Variants in PPP2R2B observed in about 807,000 individuals in gnomAD.
PPP2R2B encodes the protein serine/threonine-protein phosphatase 2A 55 kDa regulatory subunit B beta isoform.
In PPP2R2B, 5 loss-of-function variants were observed where a neutral mutation model predicts 46.0. The ratio of observed to expected loss-of-function variants is 0.11; its 90% CI spans 0.06 to 0.23. PPP2R2B has a LOEUF of 0.23. PPP2R2B is among the 10% of genes least tolerant of loss of function. PPP2R2B has a pLI of 1.00. For missense variants in PPP2R2B, 367 were observed against 575.0 expected, an observed-to-expected ratio of 0.64 and a Z score of 3.70; for synonymous variants, 215 against 206.7, an observed-to-expected ratio of 1.04 and a Z score of -0.34.
intron 1 of PPP2R2B, among the ~76,000 whole-genome samples, chr5:146,890,561 G>A (rs1762463594): frequency 6.6e-6 from 1 of 152,176 alleles, no homozygotes; most frequent in Non-Finnish European, 1.5e-5. Flanking sequence ...GGCCATTACT[G>A]TACTAGTGTG....
intron 1 of PPP2R2B, among the ~76,000 whole-genome samples, chr5:146,896,917 A>G (rs2151432102): frequency 6.6e-6 from 1 of 152,260 alleles, no homozygotes; most frequent in Non-Finnish European, 1.5e-5. Context: ...TGGACCAGCT[A>G]AGAAATGCTG....
intron 5 of PPP2R2B, among the ~76,000 whole-genome samples, chr5:146,678,472 G>A (rs6866002): frequency 0.087 from 9,906 of 114,356 alleles, 649 homozygotes; most frequent in African/African-American, 0.19. Context: ...ATTCCCTTTG[G>A]AAACTGGCAC....
At chr5:146,858,200 C>G (rs73796005) in intron 2 of PPP2R2B, among the ~76,000 whole-genome samples, 13 of 152,214 alleles carry the variant, frequency 8.5e-5, no homozygotes, top group African/African-American at 3.1e-4. Flanking sequence ...AGTGGTGGAG[C>G]CAGGATACAA....
chr5:146,601,652 C>T (rs922390552), intron 7 of PPP2R2B, among the ~76,000 whole-genome samples: 1 of 152,184 alleles, frequency 6.6e-6, no homozygotes, highest in African/African-American at 2.4e-5. Flanking sequence ...TTCTCTGTGC[C>T]TTAGGTTTCC....
chr5:146,881,056 G>C (rs1225356643), upstream of PPP2R2B, among the ~76,000 whole-genome samples: 1 of 151,950 alleles, frequency 6.6e-6, no homozygotes, highest in African/African-American at 2.4e-5. Context: ...CTGTGGAGCT[G>C]GGGGGCGGGG....
At chr5:147,018,249 A>C (rs561627678) in intron 1 of PPP2R2B, among the ~76,000 whole-genome samples, 2 of 152,180 alleles carry the variant, frequency 1.3e-5, no homozygotes, top group Non-Finnish European at 2.9e-5. Context: ...ACCTAAATAA[A>C]AGTGTAGAAA....
In PPP2R2B at chr5:146,878,341, G is replaced by C. The variant is rs1267465371; in HGVS notation, c.-124-146C>G. On this transcript the variant is annotated intron_variant, in intron 1 of 9. Coordinates refer to ENST00000394411, the MANE Select transcript of PPP2R2B (RefSeq NM_181675.4). The surrounding 1 kb of genome is among the most constrained non-coding windows in gnomAD (Gnocchi z 4.5). Reference sequence around the variant, plus strand: ...AGCTCCAGTTCCCAGCGAGGATGCTGCGCCTGCCTCCGCTGCCTCCGGGTG... The same window carrying C: ...AGCTCCAGTTCCCAGCGAGGATGCTCCGCCTGCCTCCGCTGCCTCCGGGTG... 7.0e-7 allele frequency: 1 copy of C among 1,438,178 alleles called. No homozygotes were observed. The highest frequency in any genetic ancestry group is 9.1e-7 in the Non-Finnish European group (1 of 1,103,046). The allele number at this position is 1,438,178 out of a possible 1,614,324, so 89.1% of individuals were successfully genotyped here. A position where few individuals can be genotyped will look rare whatever the true frequency, so the allele number is the denominator to read the frequency against.
intron 2 of PPP2R2B, among the ~76,000 whole-genome samples, chr5:146,877,466 G>T (rs1761960745): frequency 6.6e-6 from 1 of 152,168 alleles, no homozygotes; most frequent in Non-Finnish European, 1.5e-5. Context: ...TTTTGCTAAT[G>T]CACTTCCAAA....
At chr5:146,999,125 C>G (rs1754053214) in intron 1 of PPP2R2B, among the ~76,000 whole-genome samples, 1 of 151,288 alleles carries the variant, frequency 6.6e-6, no homozygotes, top group Admixed American at 6.6e-5. Context: ...ATTGTTTGAG[C>G]AAATGTTTAT....
chr5:146,624,090 T>C (rs1773883306), intron 7 of PPP2R2B, among the ~76,000 whole-genome samples: 1 of 152,180 alleles, frequency 6.6e-6, no homozygotes, highest in Non-Finnish European at 1.5e-5. Flanking sequence ...TTGTCAGTGT[T>C]TCAGACTTAA....
At chr5:147,062,037 C>T (rs915584036) in intron 2 of PPP2R2B, among the ~76,000 whole-genome samples, 3 of 152,076 alleles carry the variant, frequency 2.0e-5, no homozygotes, top group African/African-American at 7.2e-5. Context: ...CAGTCATGTG[C>T]CATAATGACA....
intron 1 of PPP2R2B, among the ~76,000 whole-genome samples, chr5:146,988,108 T>A (rs1376022110): frequency 1.3e-5 from 2 of 151,954 alleles, no homozygotes; most frequent in Non-Finnish European, 2.9e-5. Flanking sequence ...CTAGAGTACC[T>A]AATTATATAA....
At chr5:147,019,009 G>A (rs1168383494) in intron 1 of PPP2R2B, among the ~76,000 whole-genome samples, 1 of 152,152 alleles carries the variant, frequency 6.6e-6, no homozygotes, top group Middle Eastern at 3.2e-3. Context: ...ACTGCTCTCT[G>A]TTTATTACTG....
In PPP2R2B at chr5:146,867,585, G is replaced by T. The variant is rs570212680; in HGVS notation, c.70+10417C>A. Among the ~76,000 whole-genome samples the T allele has an allele frequency of 2.0e-5, 3 of 152,270 alleles. No individual in the cohort carries two copies. The East Asian group carries it at 5.8e-4, about 29-fold the overall frequency. ...TTGGCAAGAAAACACTCAGCAAGAT[G>T]AAGTGACCTGCCCAAGGCCACAGAA... On this transcript the variant is annotated intron_variant, in intron 2 of 9. Coordinates refer to ENST00000394411, the MANE Select transcript of PPP2R2B (RefSeq NM_181675.4).
intron 2 of PPP2R2B, among the ~76,000 whole-genome samples, chr5:146,781,610 GAA>G (rs201103388): frequency 1.6e-5 from 2 of 126,070 alleles, no homozygotes; most frequent in East Asian, 2.3e-4. Flanking sequence ...TCTGAGCCAA[GAA>G]AAAAAAAAAA....
chr5:146,934,536 C>A (rs560157), intron 1 of PPP2R2B, among the ~76,000 whole-genome samples: 32,178 of 131,586 alleles, frequency 0.24, 4,369 homozygotes, highest in African/African-American at 0.42. Context: ...GTTGGACAAA[C>A]GGAAGTTCTG....
At chr5:147,059,828 G>A (rs1015277438), upstream of PPP2R2B, among the ~76,000 whole-genome samples, 1 of 152,142 alleles carries the variant, frequency 6.6e-6, no homozygotes, top group Non-Finnish European at 1.5e-5. Context: ...GCCAAGTCCA[G>A]CTAGAGCCCC....
intron 2 of PPP2R2B, among the ~76,000 whole-genome samples, chr5:146,831,267 C>T (rs993709141): frequency 3.0e-4 from 46 of 152,160 alleles, no homozygotes; most frequent in Non-Finnish European, 5.4e-4. Flanking sequence ...GAGGCTGAGA[C>T]AGGTGGATTA....
rs943046374 is a variant in PPP2R2B, at chr5:146,878,268, G to C, written c.-124-73C>G. ...AATGGAGCTGTCACCTCCTCCACTCGGGTTCTGCGAGGCTGCGGCGGCTCC... is the reference window on the plus strand; with the variant it reads ...AATGGAGCTGTCACCTCCTCCACTCCGGTTCTGCGAGGCTGCGGCGGCTCC... On this transcript the variant is annotated intron_variant, in intron 1 of 9. Transcript: ENST00000394411. The surrounding 1 kb of genome is among the most constrained non-coding windows in gnomAD (Gnocchi z 4.5). 121 of 1,476,660 alleles carry C rather than the reference G, an allele frequency of 8.2e-5. No individual in the cohort carries two copies. The East Asian group carries it at 1.7e-3, about 21-fold the overall frequency. 91.5% of individuals were successfully genotyped at this position (1,476,660 alleles called of 1,614,324 possible). A position where few individuals can be genotyped will look rare whatever the true frequency, so the allele number is the denominator to read the frequency against.
Sources: allele counts gnomAD v4.1 joint callset (sites outside exome capture counted in the v4.1 genomes callset), GRCh38; gene constraint gnomAD v4.1.1; non-coding constraint Gnocchi (gnomAD v3.1); transcripts MANE v1.5; gene names NCBI Gene and HGNC (gene_info 2026-07-23, HGNC 2026-07-21).